The following FAM227B variants were observed in gnomAD, a reference collection of about 807,000 sequenced individuals.
The protein encoded by FAM227B is protein FAM227B.
In FAM227B, 88 loss-of-function variants were observed where a neutral mutation model predicts 73.8. That is an observed-to-expected ratio of 1.19 (90% CI 1.00 to 1.42). The LOEUF is 1.42. FAM227B is among the 40% of genes most tolerant of loss of function. The pLI, the probability that FAM227B is intolerant of heterozygous loss-of-function variation, is 0.00. For missense variants in FAM227B, 632 were observed against 590.9 expected (o/e 1.07, Z -0.72); for synonymous variants, 210 against 190.5 (o/e 1.10, Z -0.84).
chr15:49,551,256 TGAGGGA>T (rs113214972), intron 9 of FAM227B, among the ~76,000 whole-genome samples: 46,472 of 151,648 alleles, frequency 0.31, 7,506 homozygotes, highest in African/African-American at 0.38. Context: ...TGGCTCAGCA[TGAGGGA>T]GAGGGAGAGG....
At chr15:49,520,909 G>T (rs1324228721) in intron 10 of FAM227B, among the ~76,000 whole-genome samples, 1 of 152,154 alleles carries the variant, frequency 6.6e-6, no homozygotes, top group Non-Finnish European at 1.5e-5. Flanking sequence ...TGAAGTCCCA[G>T]TGAAAGGATA....
intron 13 of FAM227B, among the ~76,000 whole-genome samples, chr15:49,351,892 T>A (rs907483644): frequency 2.0e-4 from 30 of 152,216 alleles, no homozygotes; most frequent in Admixed American, 9.2e-4. Context: ...AGTTGTCTAT[T>A]GCTATATAAC....
In FAM227B at chr15:49,563,210, C is replaced by G. The variant is rs185262569; in HGVS notation, c.747+5035G>C. The stretch of plus-strand genomic sequence containing the variant: ...TTTCTATACACCTATAATGTTAAAG[C>G]TGAGAGCCAAATTAAGAATGCAATC... On this transcript the variant is annotated intron_variant, in intron 9 of 15. Transcript: ENST00000299338. Among the ~76,000 whole-genome samples, 3 of 152,122 alleles carry G rather than the reference C, an allele frequency of 2.0e-5. No individual in the cohort carries two copies. In the East Asian group the frequency reaches 5.8e-4, roughly 29 times the overall value.
At chr15:49,384,029 GTCC>G (rs1413155587) in intron 11 of FAM227B, among the ~76,000 whole-genome samples, 1 of 152,038 alleles carries the variant, frequency 6.6e-6, no homozygotes, top group African/African-American at 2.4e-5. Context: ...AGTTACTTCT[GTCC>G]TCCTAAGGAA....
At chr15:49,589,254 A>G (rs1178636727) in intron 4 of FAM227B, among the ~76,000 whole-genome samples, 4 of 152,074 alleles carry the variant, frequency 2.6e-5, no homozygotes, top group Non-Finnish European at 5.9e-5. Flanking sequence ...TCAGTTTCAG[A>G]TATTTCTGTT....
chr15:49,531,695 G>T (rs887370542), intron 10 of FAM227B, among the ~76,000 whole-genome samples: 1 of 151,866 alleles, frequency 6.6e-6, no homozygotes, highest in African/African-American at 2.4e-5. Context: ...TTAGACTGTG[G>T]GTTTAGTCCT....
chr15:49,468,498 T>C (rs898520160), intron 11 of FAM227B, among the ~76,000 whole-genome samples: 3 of 152,186 alleles, frequency 2.0e-5, no homozygotes, highest in Non-Finnish European at 4.4e-5. Context: ...AGGGCATGCT[T>C]TCTTAGGGTA....
intron 3 of FAM227B, among the ~76,000 whole-genome samples, chr15:49,591,077 G>T (rs1435626876): frequency 9.2e-6 from 1 of 109,170 alleles, no homozygotes. Flanking sequence ...ACAGAGTCTC[G>T]CTCTGTCGCC....
At chr15:49,358,806 C>G (rs1197697750) in intron 13 of FAM227B, among the ~76,000 whole-genome samples, 5 of 152,046 alleles carry the variant, frequency 3.3e-5, no homozygotes, top group Admixed American at 2.0e-4. Context: ...AAGAACAAAG[C>G]TGGAGACATC....
Position 49,535,501 on chromosome 15 carries a change from G to T in FAM227B, c.874+6179C>A, listed in dbSNP as rs1050927859. The stretch of plus-strand genomic sequence containing the variant: ...TGAATTCCACCAAACATATAAAGAA[G>T]AATTAATATCAACACTCTTTAAACT... On this transcript the variant is annotated intron_variant, in intron 10 of 15. Transcript: ENST00000299338. Among the ~76,000 whole-genome samples, 4 of 151,814 alleles carry T rather than the reference G, an allele frequency of 2.6e-5. No homozygotes were observed. In the East Asian group the frequency reaches 5.8e-4, roughly 22 times the overall value.
At chr15:49,590,245 C>T (rs541278294) in intron 3 of FAM227B, among the ~76,000 whole-genome samples, 9 of 152,216 alleles carry the variant, frequency 5.9e-5, no homozygotes, top group Non-Finnish European at 1.3e-4. Flanking sequence ...TCCTTTAAAA[C>T]GTCAATGTAT....
intron 11 of FAM227B, among the ~76,000 whole-genome samples, chr15:49,375,111 A>G (rs908367631): frequency 6.6e-6 from 1 of 152,188 alleles, no homozygotes; most frequent in Non-Finnish European, 1.5e-5. Context: ...TCTAAATTAG[A>G]ATTGCTTCTC....
At chr15:49,449,996 G>A (rs183546836) in intron 11 of FAM227B, among the ~76,000 whole-genome samples, 10 of 152,142 alleles carry the variant, frequency 6.6e-5, no homozygotes, top group Admixed American at 2.6e-4. Context: ...ACTGTGATGC[G>A]CCATTCATAC....
At chr15:49,485,722 T>C (rs2056351407) in intron 11 of FAM227B, 2 of 152,612 alleles carry the variant, frequency 1.3e-5, no homozygotes, top group South Asian at 4.1e-4. Flanking sequence ...TTCTTGCCAA[T>C]TAATTGGATC....
chr15:49,545,944 A>ATTCTTT lies in FAM227B; in HGVS notation c.748-4139_748-4138insAAAGAA, dbSNP rs1555532175. 2.4e-5 allele frequency among the ~76,000 whole-genome samples: 3 copies of ATTCTTT among 125,108 alleles called. No homozygotes were observed. The South Asian group carries it at 7.3e-4, about 30-fold the overall frequency. 82.1% of individuals were successfully genotyped at this position (125,108 alleles called of 152,430 possible). ...TCACCAGAAGGGAGCAGGAGTAGCT[A>ATTCTTT]TTTTTTTTTTTTTTAATTTTATTAT... On this transcript the variant is annotated intron_variant, in intron 9 of 15. Transcript: ENST00000299338.
At position 49,479,807 on chromosome 15, in the gene FAM227B, T is replaced by C. The variant is rs111755524; in HGVS notation, c.1012+28404A>G. ...TTTTGTATTTTTAGTAGAGATGGGGTTTCACCATATTTGCCAGGCTGGTCT... is the reference window on the plus strand; with the variant it reads ...TTTTGTATTTTTAGTAGAGATGGGGCTTCACCATATTTGCCAGGCTGGTCT... On this transcript the variant is annotated intron_variant, in intron 11 of 15. Coordinates refer to ENST00000299338, the MANE Select transcript of FAM227B (RefSeq NM_152647.3). Among the ~76,000 whole-genome samples, 2 of 152,082 alleles carry C rather than the reference T, an allele frequency of 1.3e-5. 1 individual carries two copies. Among genetic ancestry groups the C allele is most frequent in the Middle Eastern group, 6.8e-3 (2 of 294 alleles).
chr15:49,443,504 T>C (rs928207210), intron 11 of FAM227B, among the ~76,000 whole-genome samples: 1 of 151,578 alleles, frequency 6.6e-6, no homozygotes, highest in East Asian at 1.9e-4. Flanking sequence ...AAGCGAATGA[T>C]ACAAAAATGT....
intron 5 of FAM227B, among the ~76,000 whole-genome samples, chr15:49,578,570 C>T (rs541060386): frequency 2.0e-5 from 3 of 152,236 alleles, no homozygotes; most frequent in Admixed American, 6.5e-5. Context: ...CAATACCACA[C>T]ATACACACAT....
At chr15:49,433,626 T>C (rs1271876384) in intron 11 of FAM227B, among the ~76,000 whole-genome samples, 2 of 151,642 alleles carry the variant, frequency 1.3e-5, no homozygotes, top group African/African-American at 4.8e-5. Flanking sequence ...ATTTAATGTC[T>C]TTCTAGGTGA....
Sources: allele counts gnomAD v4.1 joint callset (sites outside exome capture counted in the v4.1 genomes callset), GRCh38; gene constraint gnomAD v4.1.1; transcripts MANE v1.5; gene names NCBI Gene and HGNC (gene_info 2026-07-23, HGNC 2026-07-21).